CEP112: variants seen among roughly 807,000 people sequenced by gnomAD.
CEP112 encodes the protein centrosomal protein of 112 kDa.
CEP112 carries 127 observed loss-of-function variants against 153.0 expected under a neutral mutation model. The observed-to-expected ratio is 0.83, with a 90% CI of 0.72 to 0.96. The LOEUF (loss-of-function observed/expected upper bound fraction) is 0.96. CEP112 is among the 40% of genes least tolerant of loss of function. The pLI is 0.00. For missense variants in CEP112, 1,089 were observed against 1,101.2 expected (o/e 0.99, Z 0.16); for synonymous variants, 358 against 374.4 (o/e 0.96, Z 0.51).
chr17:65,963,303 C>T (rs1253319424), intron 17 of CEP112, among the ~76,000 whole-genome samples: 2 of 152,048 alleles, frequency 1.3e-5, no homozygotes, highest in East Asian at 1.9e-4. Context: ...CTCACTCAAA[C>T]CAAATTTTAG....
At chr17:65,710,028 GCCCTACCCCAGACT>G (rs1482088809) in intron 23 of CEP112, among the ~76,000 whole-genome samples, 15 of 152,146 alleles carry the variant, frequency 9.9e-5, no homozygotes, top group African/African-American at 3.6e-4. Context: ...AGGATCTTGA[GCCCTACCCCAGACT>G]GACAGCATCA....
At chr17:65,914,176 A>G (rs2060387991) in intron 19 of CEP112, among the ~76,000 whole-genome samples, 1 of 151,698 alleles carries the variant, frequency 6.6e-6, no homozygotes, top group Non-Finnish European at 1.5e-5. Flanking sequence ...AGAAAAAAAC[A>G]TGTCTTAACT....
At chr17:65,955,669 AAAT>A (rs2144689772) in intron 18 of CEP112, among the ~76,000 whole-genome samples, 1 of 152,344 alleles carries the variant, frequency 6.6e-6, no homozygotes, top group African/African-American at 2.4e-5. Flanking sequence ...TATTCCATGT[AAAT>A]AAACACCAAA....
At chr17:65,708,458 A>G (rs908337123) in intron 23 of CEP112, among the ~76,000 whole-genome samples, 1 of 152,248 alleles carries the variant, frequency 6.6e-6, no homozygotes, top group African/African-American at 2.4e-5. Flanking sequence ...GCACTCAGAT[A>G]TAACCACTAT....
At chr17:65,650,265 C>T (rs868501094) in intron 24 of CEP112, among the ~76,000 whole-genome samples, 5 of 152,140 alleles carry the variant, frequency 3.3e-5, no homozygotes, top group African/African-American at 7.2e-5. Flanking sequence ...ATCTAGGCAC[C>T]CAGGGGGAGG....
intron 24 of CEP112, among the ~76,000 whole-genome samples, chr17:65,679,215 T>A (rs7211466): frequency 0.015 from 1,990 of 133,240 alleles, 32 homozygotes; most frequent in African/African-American, 0.053. Context: ...GAGAATAACA[T>A]GTGGCCAAAA....
intron 12 of CEP112, among the ~76,000 whole-genome samples, chr17:66,051,294 T>G (rs2066430397): frequency 1.3e-5 from 2 of 151,392 alleles, no homozygotes; most frequent in Non-Finnish European, 2.9e-5. Context: ...GTGTCTCTCT[T>G]GATTGTCATT....
At chr17:65,752,956 G>T (rs974217669) in intron 21 of CEP112, among the ~76,000 whole-genome samples, 4 of 152,126 alleles carry the variant, frequency 2.6e-5, no homozygotes, top group African/African-American at 7.2e-5. Context: ...TGGGCTACAG[G>T]CTGGACACTA....
intron 6 of CEP112, among the ~76,000 whole-genome samples, chr17:66,122,209 T>C (rs1425021383): frequency 6.6e-6 from 1 of 152,194 alleles, no homozygotes; most frequent in Non-Finnish European, 1.5e-5. Context: ...CAGCTTTCTT[T>C]ACTTCTTTAA....
intron 17 of CEP112, among the ~76,000 whole-genome samples, chr17:65,971,183 G>T (rs73338615): frequency 0.076 from 9,505 of 124,844 alleles, 429 homozygotes; most frequent in South Asian, 0.16. Flanking sequence ...CACATGTACA[G>T]CACATGCATA....
At chr17:65,971,486 A>T (rs1180403148) in intron 17 of CEP112, among the ~76,000 whole-genome samples, 1 of 150,962 alleles carries the variant, frequency 6.6e-6, no homozygotes, top group East Asian at 2.0e-4. Flanking sequence ...CATGTATGAC[A>T]TGAATGTCAT....
chr17:65,921,765 T>C (rs2060736632), intron 19 of CEP112, among the ~76,000 whole-genome samples: 1 of 152,212 alleles, frequency 6.6e-6, no homozygotes, highest in Non-Finnish European at 1.5e-5. Flanking sequence ...TTAAAGAATT[T>C]ATCGGTATCC....
At chr17:65,806,816 T>G (rs566882330) in intron 21 of CEP112, among the ~76,000 whole-genome samples, 1 of 152,316 alleles carries the variant, frequency 6.6e-6, no homozygotes, top group East Asian at 1.9e-4. Context: ...ACCTCTTTTC[T>G]TCATAAATTA....
intron 16 of CEP112, among the ~76,000 whole-genome samples, chr17:66,026,154 C>T (rs960738428): frequency 2.0e-5 from 3 of 151,464 alleles, no homozygotes; most frequent in South Asian, 2.1e-4. Flanking sequence ...TAGGAGGGGA[C>T]GAGGGATGAG....
chr17:65,873,436 GACTT>G (rs2058727846), intron 20 of CEP112: 1 of 152,200 alleles, frequency 6.6e-6, no homozygotes, highest in South Asian at 2.1e-4. Context: ...ACCTCAAGCT[GACTT>G]ACTTGAGTTT....
At chr17:65,970,919 G>A (rs2062738831) in intron 17 of CEP112, among the ~76,000 whole-genome samples, 1 of 89,710 alleles carries the variant, frequency 1.1e-5, no homozygotes, top group Admixed American at 1.5e-4. Flanking sequence ...TATGTTGCAT[G>A]TATGCAGTTA....
At chr17:65,965,989 T>G (rs150213660) in intron 17 of CEP112, among the ~76,000 whole-genome samples, 283 of 152,144 alleles carry the variant, frequency 1.9e-3, no homozygotes, top group African/African-American at 6.6e-3. Context: ...CTTTTTACCA[T>G]GATCCCAATA....
intron 21 of CEP112, among the ~76,000 whole-genome samples, chr17:65,773,281 G>A (rs900856669): frequency 4.6e-5 from 7 of 152,086 alleles, no homozygotes; most frequent in African/African-American, 1.2e-4. Context: ...CTTCATTTTC[G>A]TTTCCTTATT....
chr17:65,931,537 C>T lies in CEP112; in HGVS notation c.1873-3848G>A, dbSNP rs143478980. ...TTAAAAGGAACATTGGGAGTATTAG[C>T]AGGGCTAGAACATCTGAGATCAGCT... On this transcript the variant is annotated intron_variant, in intron 18 of 26. Coordinates refer to ENST00000535342, the MANE Select transcript of CEP112 (RefSeq NM_001199165.4). Among the ~76,000 whole-genome samples, 400 of 152,256 alleles carry T rather than the reference C, an allele frequency of 2.6e-3. 4 individuals carry two copies. Among genetic ancestry groups the T allele is most frequent in the African/African-American group, 8.9e-3 (368 of 41,548 alleles).
Sources: allele counts gnomAD v4.1 joint callset (sites outside exome capture counted in the v4.1 genomes callset), GRCh38; gene constraint gnomAD v4.1.1; transcripts MANE v1.5; gene names NCBI Gene and HGNC (gene_info 2026-07-23, HGNC 2026-07-21).